Variants in HLF observed in about 807,000 individuals in gnomAD.
HLF encodes HLF transcription factor, PAR bZIP family member, also known as hepatic leukemia factor.
In HLF, 3 loss-of-function variants were observed where a neutral mutation model predicts 22.6. The ratio of observed to expected loss-of-function variants is 0.13; its 90% CI spans 0.06 to 0.34. The LOEUF (loss-of-function observed/expected upper bound fraction) is 0.34. Among genes scored for constraint, HLF ranks in the 10% least tolerant of loss-of-function variants. The pLI is 1.00. For synonymous variants in HLF, 151 were observed against 151.8 expected, an observed-to-expected ratio of 0.99 and a Z score of 0.04; for missense variants, 299 against 389.2, an observed-to-expected ratio of 0.77 and a Z score of 1.95.
chr17:55,321,052 CAT>C lies in HLF; in HGVS notation c.*174_*175del, dbSNP rs1257607325. 2.7e-5 allele frequency: 16 copies of C among 602,874 alleles called. No individual in the cohort carries two copies. Among genetic ancestry groups the C allele is most frequent in the South Asian group, 1.6e-4 (8 of 50,874 alleles). 37.3% of individuals were successfully genotyped at this position (602,874 alleles called of 1,614,324 possible). On this transcript the variant is annotated 3_prime_UTR_variant, in exon 4 of 4. Coordinates refer to ENST00000226067, the MANE Select transcript of HLF (RefSeq NM_002126.5). ...GTGTGCGTGTATATGTGCTTGTGCT[CAT>C]GTGTGTGGTCAGCGGTATGTGCGTG...
At chr17:55,281,187 C>A (rs1328934713) in intron 2 of HLF, among the ~76,000 whole-genome samples, 1 of 152,188 alleles carries the variant, frequency 6.6e-6, no homozygotes, top group Non-Finnish European at 1.5e-5. Context: ...TCAGCTAAAG[C>A]TCCCTCAGCA....
intron 2 of HLF, among the ~76,000 whole-genome samples, chr17:55,301,622 AAGC>A (rs2081158021): frequency 6.6e-6 from 1 of 152,248 alleles, no homozygotes; most frequent in Non-Finnish European, 1.5e-5. Context: ...TCTAGAAACA[AAGC>A]AGACCATTGG....
At chr17:55,295,010 AT>A (rs1212294502) in intron 2 of HLF, among the ~76,000 whole-genome samples, 1 of 152,110 alleles carries the variant, frequency 6.6e-6, no homozygotes, top group Non-Finnish European at 1.5e-5. Context: ...ATTTTTAATC[AT>A]TTACTGAGGG....
chr17:55,272,274 T>G (rs1235400259), intron 2 of HLF: 1 of 152,244 alleles, frequency 6.6e-6, no homozygotes, highest in Non-Finnish European at 1.5e-5. Flanking sequence ...CCATGAGAAT[T>G]GAGCGATTGC....
intron 2 of HLF, among the ~76,000 whole-genome samples, chr17:55,287,757 A>G (rs1394031739): frequency 1.3e-5 from 2 of 152,216 alleles, no homozygotes; most frequent in Admixed American, 6.5e-5. Flanking sequence ...CAAACTCCCA[A>G]AGTACTCTGG....
chr17:55,294,638 T>C (rs2081095324), intron 2 of HLF, among the ~76,000 whole-genome samples: 1 of 152,176 alleles, frequency 6.6e-6, no homozygotes, highest in African/African-American at 2.4e-5. Context: ...ATGTGGCCTC[T>C]TTTCCCCAAG....
intron 2 of HLF, among the ~76,000 whole-genome samples, chr17:55,284,996 A>G (rs1481888790): frequency 6.6e-6 from 1 of 152,148 alleles, no homozygotes; most frequent in Non-Finnish European, 1.5e-5. Flanking sequence ...GGAGACCAAG[A>G]CCACTGAAGC....
At chr17:55,297,969 C>T (rs936358647) in intron 2 of HLF, among the ~76,000 whole-genome samples, 25 of 151,880 alleles carry the variant, frequency 1.6e-4, no homozygotes, top group Admixed American at 2.0e-4. Flanking sequence ...GGGCTGGTCT[C>T]GAACTCCTGA....
intron 2 of HLF, among the ~76,000 whole-genome samples, chr17:55,311,449 AGCCAAGATCAC>A (rs1904824790): frequency 6.6e-6 from 1 of 152,186 alleles, no homozygotes; most frequent in African/African-American, 2.4e-5. Context: ...GGTTGCAGTG[AGCCAAGATCAC>A]GCCACTGCAC....
In HLF at chr17:55,321,671, A is replaced by G. The variant is rs144119921; in HGVS notation, c.*792A>G. 54 of 228,554 alleles carry G rather than the reference A, an allele frequency of 2.4e-4. No homozygotes were observed. In the East Asian group the frequency reaches 3.0e-3, roughly 13 times the overall value. The allele number at this position is 228,554 out of a possible 1,614,324, so 14.2% of individuals were successfully genotyped here. On this transcript the variant is annotated 3_prime_UTR_variant, in exon 4 of 4. Transcript: ENST00000226067. ...CTAGTGGACGTAGGATATTTTCCCT[A>G]CCTAAGAATTTCACTGTCTTTTAAA...
At chr17:55,299,844 T>C (rs2081141426) in intron 2 of HLF, among the ~76,000 whole-genome samples, 1 of 151,890 alleles carries the variant, frequency 6.6e-6, no homozygotes, top group African/African-American at 2.4e-5. Context: ...TTCCTTCTTC[T>C]TTGTTAAGAG....
At chr17:55,270,119 G>C (rs1231344187) in intron 2 of HLF, among the ~76,000 whole-genome samples, 2 of 152,166 alleles carry the variant, frequency 1.3e-5, no homozygotes, top group Admixed American at 6.5e-5. Context: ...CCCAATCAGA[G>C]TTGCAATGCA....
chr17:55,318,618 G>A (rs759194391), intron 3 of HLF, among the ~76,000 whole-genome samples: 21 of 152,046 alleles, frequency 1.4e-4, no homozygotes, highest in Non-Finnish European at 2.5e-4. Flanking sequence ...CAGTGTTCCA[G>A]GGGCTTGTTC....
chr17:55,270,325 A>C (rs2080840310), intron 2 of HLF, among the ~76,000 whole-genome samples: 1 of 152,216 alleles, frequency 6.6e-6, no homozygotes, highest in African/African-American at 2.4e-5. Flanking sequence ...AAAAGGAAAA[A>C]AGTTAAACCT....
intron 2 of HLF, among the ~76,000 whole-genome samples, chr17:55,301,563 A>T (rs1029130566): frequency 6.6e-6 from 1 of 152,224 alleles, no homozygotes; most frequent in African/African-American, 2.4e-5. Flanking sequence ...TTAGACCTTG[A>T]TATGGATGTT....
At chr17:55,270,933 C>T (rs1051104687) in intron 2 of HLF, among the ~76,000 whole-genome samples, 15 of 152,276 alleles carry the variant, frequency 9.9e-5, no homozygotes, top group South Asian at 4.1e-4. Flanking sequence ...TGAGCCACCG[C>T]GCCCGGCCTT....
chr17:55,265,705 G>C, intron 1 of HLF, 106 bp downstream of exon 1: 1 of 1,083,352 alleles, frequency 9.2e-7, no homozygotes, highest in Non-Finnish European at 1.2e-6. Context: ...CTCCCGCCCT[G>C]TCCCGCGGCG....
At chr17:55,288,922 A>T (rs1668515145) in intron 2 of HLF, 2 of 985,262 alleles carry the variant, frequency 2.0e-6, no homozygotes, top group East Asian at 1.1e-4. Context: ...GCATGTTCCC[A>T]GATCACCTGT....
At chr17:55,297,738 CT>C (rs34900287) in intron 2 of HLF, among the ~76,000 whole-genome samples, 299 of 62,870 alleles carry the variant, frequency 4.8e-3, no homozygotes, top group African/African-American at 0.015. Context: ...AACAGCATTT[CT>C]TTTTTTTTTT....
Sources: gnomAD v4.1 joint callset for allele counts (sites outside exome capture counted in the v4.1 genomes callset) on GRCh38, gnomAD v4.1.1 for gene constraint, MANE v1.5 for transcripts, NCBI Gene and HGNC (gene_info 2026-07-23, HGNC 2026-07-21) for gene names.